The following MDFIC2 variants were observed in gnomAD, a reference collection of about 807,000 sequenced individuals.
The protein encoded by MDFIC2 is MyoD family inhibitor domain containing 2.
At chr3:70,267,724 C>A (rs771427328) in intron 2 of MDFIC2, among the ~76,000 whole-genome samples, 1 of 151,928 alleles carries the variant, frequency 6.6e-6, no homozygotes. Context: ...CCTAAAATAG[C>A]ATTTTTTAAT....
chr3:70,227,688 A>G (rs1248581901), intron 2 of MDFIC2, among the ~76,000 whole-genome samples: 1 of 152,226 alleles, frequency 6.6e-6, no homozygotes, highest in Non-Finnish European at 1.5e-5. Flanking sequence ...GGCTTTTGAG[A>G]TGCCAGATAG....
At chr3:70,226,874 T>C (rs1307769332) in intron 2 of MDFIC2, among the ~76,000 whole-genome samples, 2 of 151,700 alleles carry the variant, frequency 1.3e-5, no homozygotes, top group Non-Finnish European at 2.9e-5. Flanking sequence ...AGAAGTGGGA[T>C]GGAAAAGGAG....
intron 2 of MDFIC2, among the ~76,000 whole-genome samples, chr3:70,288,643 A>G (rs1234595329): frequency 6.6e-6 from 1 of 151,676 alleles, no homozygotes; most frequent in African/African-American, 2.4e-5. Flanking sequence ...TGATCCGTCT[A>G]ATGTTCACAG....
intron 2 of MDFIC2, among the ~76,000 whole-genome samples, chr3:70,263,213 CT>C (rs1701884888): frequency 6.6e-6 from 1 of 151,834 alleles, no homozygotes. Context: ...TCATATTTTC[CT>C]GCTTCTTCTT....
intron 2 of MDFIC2, among the ~76,000 whole-genome samples, chr3:70,274,379 A>ATGAG (rs1433398038): frequency 1.3e-5 from 2 of 152,164 alleles, no homozygotes; most frequent in Non-Finnish European, 2.9e-5. Flanking sequence ...GAAATATAGA[A>ATGAG]TGAGTATGTG....
intron 2 of MDFIC2, among the ~76,000 whole-genome samples, chr3:70,277,205 G>A (rs1262760129): frequency 2.0e-5 from 3 of 152,102 alleles, no homozygotes; most frequent in Non-Finnish European, 2.9e-5. Context: ...AACATAGCCC[G>A]TATCTCCAGC....
intron 2 of MDFIC2, among the ~76,000 whole-genome samples, chr3:70,218,993 GA>G (rs35967599): frequency 0.33 from 49,137 of 150,834 alleles, 10,361 homozygotes; most frequent in Non-Finnish European, 0.46. Context: ...GCCATTTCAA[GA>G]AAAAAAAAGT....
chr3:70,261,996 T>A (rs1186955831), intron 2 of MDFIC2, among the ~76,000 whole-genome samples: 2 of 152,134 alleles, frequency 1.3e-5, no homozygotes, highest in Admixed American at 6.5e-5. Context: ...TCCTTACCCA[T>A]AAGAGTTTGA....
chr3:70,281,657 G>C (rs959170207), intron 2 of MDFIC2, among the ~76,000 whole-genome samples: 1 of 152,060 alleles, frequency 6.6e-6, no homozygotes, highest in Non-Finnish European at 1.5e-5. Context: ...ATTTATGCAC[G>C]ATGGTTCTTC....
chr3:70,243,475 G>T (rs958130364), intron 2 of MDFIC2, among the ~76,000 whole-genome samples: 1 of 152,126 alleles, frequency 6.6e-6, no homozygotes, highest in African/African-American at 2.4e-5. Flanking sequence ...TCACTGCACT[G>T]CTGCTGAATG....
At chr3:70,287,372 A>G (rs1458418161) in intron 2 of MDFIC2, among the ~76,000 whole-genome samples, 1 of 150,480 alleles carries the variant, frequency 6.6e-6, no homozygotes, top group East Asian at 1.9e-4. Flanking sequence ...ATTGATTTGC[A>G]TATATTGAAC....
At chr3:70,262,488 T>G (rs12489265) in intron 2 of MDFIC2, among the ~76,000 whole-genome samples, 9,584 of 152,266 alleles carry the variant, frequency 0.063, 365 homozygotes, top group South Asian at 0.12. Context: ...TCTTCAGTGT[T>G]TATTATGGGG....
At chr3:70,297,607 A>G (rs950904849) in intron 2 of MDFIC2, among the ~76,000 whole-genome samples, 1 of 152,156 alleles carries the variant, frequency 6.6e-6, no homozygotes, top group African/African-American at 2.4e-5. Context: ...AATGAAATGC[A>G]TTAAATTCTT....
chr3:70,302,750 A>G (rs1357774046), intron 2 of MDFIC2: 1 of 152,138 alleles, frequency 6.6e-6, no homozygotes, highest in Non-Finnish European at 1.5e-5. Context: ...GAGTCTCTAA[A>G]TGTGCTATTT....
intron 2 of MDFIC2, among the ~76,000 whole-genome samples, chr3:70,246,720 C>T (rs969748435): frequency 6.6e-6 from 1 of 151,964 alleles, no homozygotes; most frequent in Non-Finnish European, 1.5e-5. Context: ...TTTAATCTGG[C>T]AATCCAAACT....
At chr3:70,202,002 G>A (rs1045490039) in intron 3 of MDFIC2, among the ~76,000 whole-genome samples, 1 of 152,152 alleles carries the variant, frequency 6.6e-6, no homozygotes, top group Non-Finnish European at 1.5e-5. Flanking sequence ...ATCTCTCTCT[G>A]AATGTATATC....
rs149572991 is a variant in MDFIC2, at chr3:70,230,947, A to G, written c.89-24157T>C. ...TTTCAATTTGGATGAAAAGACCACA[A>G]CCTGATCCCATTTCGCAGTGATTCC... On this transcript the variant is annotated intron_variant, in intron 2 of 3. Coordinates refer to ENST00000567252, the MANE Select transcript of MDFIC2 (RefSeq NM_001364677.1). Among the ~76,000 whole-genome samples, 1,148 of 152,264 alleles carry G rather than the reference A, an allele frequency of 7.5e-3. 6 individuals carry two copies. Among genetic ancestry groups the G allele is most frequent in the Non-Finnish European group, 0.012 (796 of 68,014 alleles).
chr3:70,280,168 A>G (rs1237696948), intron 2 of MDFIC2, among the ~76,000 whole-genome samples: 2 of 151,996 alleles, frequency 1.3e-5, no homozygotes, highest in African/African-American at 2.4e-5. Flanking sequence ...GCTGCACTCC[A>G]ATCTCTGTCC....
intron 2 of MDFIC2, among the ~76,000 whole-genome samples, chr3:70,222,133 T>C (rs1407684902): frequency 6.6e-6 from 1 of 152,152 alleles, no homozygotes; most frequent in East Asian, 1.9e-4. Flanking sequence ...AGCTTCTCCC[T>C]GTCTCCCCAG....
Sources: gnomAD v4.1 joint callset for allele counts (sites outside exome capture counted in the v4.1 genomes callset) on GRCh38, gnomAD v4.1.1 for gene constraint, MANE v1.5 for transcripts, NCBI Gene and HGNC (gene_info 2026-07-23, HGNC 2026-07-21) for gene names.